TK2: variants seen among roughly 807,000 people sequenced by gnomAD.
TK2 encodes thymidine kinase 2, mitochondrial.
Under a neutral mutation model 41.9 loss-of-function variants are expected in TK2, and 35 were observed. The ratio of observed to expected loss-of-function variants is 0.84; its 90% CI spans 0.64 to 1.11. The LOEUF is 1.11. TK2 is among the 50% of genes least tolerant of loss of function. TK2 has a pLI of 0.00. For synonymous variants in TK2, 128 were observed against 129.1 expected, an observed-to-expected ratio of 0.99 and a Z score of 0.06; for missense variants, 320 against 351.1, an observed-to-expected ratio of 0.91 and a Z score of 0.71.
chr16:66,529,666 G>C (rs1420644555), intron 5 of TK2, among the ~76,000 whole-genome samples: 1 of 152,134 alleles, frequency 6.6e-6, no homozygotes, highest in African/African-American at 2.4e-5. Context: ...CGTTCCTCTG[G>C]GAAGCAAGAG....
At chr16:66,513,911 G>T in intron 8 of TK2, 100 bp from the exon 9 acceptor site, 13 of 1,018,320 alleles carry the variant, frequency 1.3e-5, no homozygotes, top group Non-Finnish European at 1.7e-5. Context: ...ATGACCATGG[G>T]CAGTGACTCA....
At chr16:66,532,565 AC>A (rs1331952904) in intron 4 of TK2, among the ~76,000 whole-genome samples, 4 of 152,098 alleles carry the variant, frequency 2.6e-5, no homozygotes, top group Non-Finnish European at 4.4e-5. Context: ...AGATCGTACC[AC>A]TGTACTCCAG....
At position 66,517,195 on chromosome 16, in the gene TK2, C is replaced by G; in HGVS notation, c.559G>C (p.Glu187Gln). The G allele has an allele frequency of 6.2e-7, 1 of 1,614,190 alleles. No individual in the cohort carries two copies. Among genetic ancestry groups the G allele is most frequent in the Non-Finnish European group, 8.5e-7 (1 of 1,180,020 alleles). Reference sequence around the variant, plus strand: ...TTCTTTAACCTCTGGTAACAAGTCTCAGGATTGGTCCGAAGGTAAACTGAG... The same window carrying G: ...TTCTTTAACCTCTGGTAACAAGTCTGAGGATTGGTCCGAAGGTAAACTGAG... The part of the protein sequence containing the change: ...DLIVYLRTNP[E>Q]TCYQRLKKRC... Residue 187 changes from glutamate to glutamine, a missense_variant, in exon 8 of 10, where the codon GAG becomes CAG. Coordinates refer to ENST00000544898, the MANE Select transcript of TK2 (RefSeq NM_004614.5). The surrounding 1 kb of genome is among the most constrained non-coding windows in gnomAD (Gnocchi z 4.3).
chr16:66,527,751 C>G (rs1964978569), intron 6 of TK2, among the ~76,000 whole-genome samples: 2 of 152,070 alleles, frequency 1.3e-5, no homozygotes, highest in African/African-American at 4.8e-5. Context: ...ACAAGGGGAC[C>G]AGGCACAGTG....
At chr16:66,542,022 T>C (rs2144461264) in intron 2 of TK2, 69 bp from the exon 3 acceptor site, 1 of 1,523,564 alleles carries the variant, frequency 6.6e-7, no homozygotes, top group Admixed American at 1.7e-5. Flanking sequence ...GAATAATGGC[T>C]ACGGAAAGGG....
In TK2 at chr16:66,537,034, C is replaced by T. The variant is rs1485038319; in HGVS notation, c.232-17G>A. On this transcript the variant is annotated splice_polypyrimidine_tract_variant and intron_variant, in intron 3 of 9. Transcript: ENST00000544898. ...CGTTAACACCTGGAAGGAAAGAAAA[C>T]ATCAGAGCTACTGTTTCTCTGTGCT... 3 of 1,614,030 alleles carry T rather than the reference C, an allele frequency of 1.9e-6. No homozygotes were observed. The highest frequency in any genetic ancestry group is 1.7e-5 in the Admixed American group (1 of 60,004).
intron 6 of TK2, among the ~76,000 whole-genome samples, chr16:66,521,594 G>A (rs760810797): frequency 1.3e-5 from 2 of 152,224 alleles, no homozygotes; most frequent in African/African-American, 2.4e-5. Context: ...GCTGAGTGAG[G>A]AAACAGAAGC....
intron 8 of TK2, among the ~76,000 whole-genome samples, chr16:66,515,054 G>C (rs1054445247): frequency 1.4e-4 from 22 of 151,988 alleles, no homozygotes; most frequent in Admixed American, 1.3e-3. Flanking sequence ...CCTCTGCCTA[G>C]GAAAACCAGA....
At chr16:66,521,505 A>G (rs1192882740) in intron 6 of TK2, among the ~76,000 whole-genome samples, 2 of 152,234 alleles carry the variant, frequency 1.3e-5, no homozygotes, top group South Asian at 2.1e-4. Context: ...GGCCAGACCT[A>G]TTGAAAACCC....
upstream of TK2, chr16:66,550,212 C>T: frequency 1.2e-6 from 2 of 1,611,112 alleles, no homozygotes; most frequent in Non-Finnish European, 1.7e-6. Context: ...AGGAGAAATA[C>T]TCGAAGGGAG....
chr16:66,549,058 C>G (rs1168016270), intron 1 of TK2, 49 bp from the exon 2 acceptor site: 2 of 1,611,318 alleles, frequency 1.2e-6, no homozygotes, highest in Admixed American at 3.3e-5. Context: ...AAATAACTCT[C>G]CTCTGCCCTA....
intron 8 of TK2, 132 bp from the exon 9 acceptor site, chr16:66,513,943 C>A: frequency 1.3e-6 from 1 of 796,524 alleles, no homozygotes; most frequent in East Asian, 2.7e-5. Flanking sequence ...CCTGCAAGAG[C>A]AAACCTGGCT....
At chr16:66,515,523 G>T (rs939583482) in intron 8 of TK2, among the ~76,000 whole-genome samples, 27 of 152,250 alleles carry the variant, frequency 1.8e-4, no homozygotes, top group Admixed American at 1.8e-3. Flanking sequence ...TCCTCACACA[G>T]ATTCCACTCG....
At position 66,517,807 on chromosome 16, in the gene TK2, C is replaced by G. The variant is rs149036717; in HGVS notation, c.520G>C (p.Val174Leu). ...ATCTCACCTATCAAATCAACAGACA[C>G]GTCCATGTTCCTCAAGATCCAGTCA... ...WFDWILRNMD[V>L]SVDLIVYLRT... Residue 174 changes from valine (V) to leucine (L), a missense_variant, in exon 7 of 10, where the codon GTG becomes CTG. Transcript: ENST00000544898. This position sits in a 1 kb window ranked among gnomAD's most constrained non-coding sequence, Gnocchi z 4.3. 4.4e-5 allele frequency: 71 copies of G among 1,614,030 alleles called. No homozygotes were observed. Among genetic ancestry groups the G allele is most frequent in the South Asian group, 3.5e-4 (32 of 91,090 alleles).
chr16:66,536,257 G>A (rs925799471), intron 4 of TK2, among the ~76,000 whole-genome samples: 3 of 150,618 alleles, frequency 2.0e-5, no homozygotes, highest in Non-Finnish European at 4.4e-5. Context: ...CCATTTACTA[G>A]CTGTGTGACC....
rs1322502242 is a variant in TK2 at position 66,509,581 on chromosome 16, G to A, written c.*2387C>T. 2 of 152,258 alleles carry A rather than the reference G, an allele frequency of 1.3e-5. No individual in the cohort carries two copies. The highest frequency in any genetic ancestry group is 2.4e-5 in the African/African-American group (1 of 41,458). 9.4% of individuals were successfully genotyped at this position (152,258 alleles called of 1,614,324 possible). On this transcript the variant is annotated 3_prime_UTR_variant, in exon 10 of 10. Coordinates refer to ENST00000544898, the MANE Select transcript of TK2 (RefSeq NM_004614.5). ...AGAGGTAGAGCAGCTGAGCAGCTCT[G>A]CGGTGTACTGACTTCATGTCCCCAT...
At chr16:66,523,994 C>G (rs1049819608) in intron 6 of TK2, among the ~76,000 whole-genome samples, 3 of 152,180 alleles carry the variant, frequency 2.0e-5, no homozygotes, top group Admixed American at 6.5e-5. Flanking sequence ...GCTAAAAATA[C>G]TTTTTACTTT....
chr16:66,521,668 T>TGGG (rs1240935304), intron 6 of TK2, among the ~76,000 whole-genome samples: 1 of 152,166 alleles, frequency 6.6e-6, no homozygotes, highest in Non-Finnish European at 1.5e-5. Flanking sequence ...TATTTCCTCC[T>TGGG]AGGAACTCTG....
chr16:66,549,133 A>T, intron 1 of TK2, 124 bp from the exon 2 acceptor site: 2 of 1,534,394 alleles, frequency 1.3e-6, no homozygotes, highest in East Asian at 2.3e-5. Context: ...AACATTTTCC[A>T]TTTTGGGCGC....
Sources: allele counts gnomAD v4.1 joint callset (sites outside exome capture counted in the v4.1 genomes callset), GRCh38; gene constraint gnomAD v4.1.1; non-coding constraint Gnocchi (gnomAD v3.1); transcripts MANE v1.5; gene names NCBI Gene and HGNC (gene_info 2026-07-23, HGNC 2026-07-21).